Variants in VPS54 observed in about 807,000 individuals in gnomAD.
VPS54 encodes the protein VPS54 subunit of GARP complex, also known as vacuolar protein sorting-associated protein 54.
A neutral mutation model predicts 121.5 loss-of-function variants in VPS54; 45 were observed. The ratio of observed to expected loss-of-function variants is 0.37; its 90% confidence interval spans 0.29 to 0.47. VPS54 has a LOEUF of 0.47. Ranked by LOEUF, VPS54 falls within the 20% of genes least tolerant of loss-of-function variation. The pLI, the probability that VPS54 is intolerant of heterozygous loss-of-function variation, is 0.99. For missense variants in VPS54, 1,090 were observed against 1,131.4 expected, an observed-to-expected ratio of 0.96 and a Z score of 0.52; for synonymous variants, 371 against 385.8, an observed-to-expected ratio of 0.96 and a Z score of 0.45.
At chr2:63,967,755 A>G (rs929507666) in intron 5 of VPS54, among the ~76,000 whole-genome samples, 4 of 147,442 alleles carry the variant, frequency 2.7e-5, no homozygotes, top group Non-Finnish European at 6.0e-5. Flanking sequence ...GAGAAGAGGG[A>G]CAAATCCTTA....
At chr2:63,984,710 T>A (rs1438165166) in intron 1 of VPS54, among the ~76,000 whole-genome samples, 1 of 152,180 alleles carries the variant, frequency 6.6e-6, no homozygotes, top group Non-Finnish European at 1.5e-5. Flanking sequence ...AAAACAAATA[T>A]ATGTAAGCAA....
At chr2:63,937,932 T>C (rs959503665) in intron 11 of VPS54, among the ~76,000 whole-genome samples, 3 of 152,140 alleles carry the variant, frequency 2.0e-5, no homozygotes, top group Admixed American at 1.3e-4. Context: ...ATTCCACTTA[T>C]ATGAAATACC....
At chr2:63,961,369 A>G (rs1675760564) in intron 7 of VPS54, among the ~76,000 whole-genome samples, 2 of 152,220 alleles carry the variant, frequency 1.3e-5, no homozygotes. Context: ...TCCATAATGG[A>G]TTAAGTTACA....
At chr2:63,898,071 C>A (rs973416380) in intron 21 of VPS54, among the ~76,000 whole-genome samples, 4 of 152,110 alleles carry the variant, frequency 2.6e-5, no homozygotes, top group African/African-American at 9.7e-5. Context: ...TGTGAAATAA[C>A]ATTTTCTGTG....
chr2:64,001,508 G>C (rs1677879481), intron 1 of VPS54, among the ~76,000 whole-genome samples: 1 of 152,160 alleles, frequency 6.6e-6, no homozygotes, highest in Non-Finnish European at 1.5e-5. Flanking sequence ...CTGAGTCTCA[G>C]CCAAGGCCCA....
At position 63,933,686 on chromosome 2, in the gene VPS54, C is replaced by T; in HGVS notation, c.1726G>A (p.Gly576Ser). 6 of 1,612,164 alleles carry T rather than the reference C, an allele frequency of 3.7e-6. No homozygotes were observed. Among genetic ancestry groups the T allele is most frequent in the Non-Finnish European group, 5.1e-6 (6 of 1,179,372 alleles). Residue 576 changes from glycine to serine, a missense_variant, in exon 12 of 23, where the codon GGT becomes AGT. Physicochemically the swap from Gly to Ser is moderately conservative, Grantham distance 56. This residue lies in a region of VPS54 where 801 missense variants were observed against 757.0 expected (regional missense o/e 1.06). Transcript: ENST00000272322. Reference protein sequence around the residue: ...EHTSSSAIPGGVDIMVSEDMK... With the variant: ...EHTSSSAIPGSVDIMVSEDMK... ...CACTATACTCACATAATATCCACAC[C>T]TCCTGGAATAGCAGATGATGATGTG...
rs1195778227 is a variant in VPS54 at position 63,932,977 on chromosome 2, T to A, written c.1739+696A>T. ...GGTATCCAGGGATAATAGTGCATCATGTCTGTAACCTACTGTCAAAGGATT... is the reference window on the plus strand; with the variant it reads ...GGTATCCAGGGATAATAGTGCATCAAGTCTGTAACCTACTGTCAAAGGATT... On this transcript the variant is annotated intron_variant, in intron 12 of 22. Coordinates refer to ENST00000272322, the MANE Select transcript of VPS54 (RefSeq NM_016516.3). 2.6e-5 allele frequency among the ~76,000 whole-genome samples: 4 copies of A among 152,230 alleles called. No individual in the cohort carries two copies. The East Asian group carries it at 7.7e-4, about 29-fold the overall frequency.
chr2:63,916,443 C>G (rs1170673258), intron 16 of VPS54, among the ~76,000 whole-genome samples: 1 of 152,114 alleles, frequency 6.6e-6, no homozygotes, highest in Non-Finnish European at 1.5e-5. Context: ...TAGACCTGTG[C>G]TAAATGCTTT....
At chr2:63,971,138 C>A (rs1284755498) in intron 4 of VPS54, among the ~76,000 whole-genome samples, 2 of 152,174 alleles carry the variant, frequency 1.3e-5, no homozygotes, top group Non-Finnish European at 2.9e-5. Context: ...TTACCAATAA[C>A]TGGCCACCAA....
At chr2:63,959,697 G>A (rs1675664345) in intron 7 of VPS54, among the ~76,000 whole-genome samples, 1 of 152,040 alleles carries the variant, frequency 6.6e-6, no homozygotes, top group Admixed American at 6.6e-5. Flanking sequence ...GACCAGCCTG[G>A]GTAACACGGC....
chr2:63,979,061 T>C (rs964825742), intron 3 of VPS54, among the ~76,000 whole-genome samples: 1 of 152,218 alleles, frequency 6.6e-6, no homozygotes, highest in African/African-American at 2.4e-5. Flanking sequence ...GTAGAATCTG[T>C]AGTGATATCA....
In VPS54 at chr2:63,946,370, A is replaced by G. The variant is rs566472357; in HGVS notation, c.1245+1013T>C. Among the ~76,000 whole-genome samples the G allele has an allele frequency of 3.3e-5, 5 of 152,232 alleles. No individual in the cohort carries two copies. In the East Asian group the frequency reaches 9.6e-4, roughly 29 times the overall value. On this transcript the variant is annotated intron_variant, in intron 9 of 22. Transcript: ENST00000272322. ...TCTTCTGCTGTGTTTTGGTGAACTT[A>G]TATACATATTTCTGTTGGGTGCATA...
intron 22 of VPS54, among the ~76,000 whole-genome samples, chr2:63,894,510 TG>T (rs1251673961): frequency 6.6e-6 from 1 of 152,092 alleles, no homozygotes; most frequent in African/African-American, 2.4e-5. Flanking sequence ...AAGACCAGCC[TG>T]GGCAACATAG....
At chr2:63,968,912 G>T in intron 5 of VPS54, 45 bp downstream of exon 5, 21 of 1,468,036 alleles carry the variant, frequency 1.4e-5, no homozygotes, top group Non-Finnish European at 1.8e-5. Context: ...CAAAATTAAA[G>T]ATCAAATATT....
chr2:63,980,165 G>A (rs987555550), intron 3 of VPS54, among the ~76,000 whole-genome samples: 4 of 152,076 alleles, frequency 2.6e-5, no homozygotes, highest in African/African-American at 4.8e-5. Context: ...AAACTGTAAT[G>A]TCTTCTTGGT....
intron 3 of VPS54, among the ~76,000 whole-genome samples, chr2:63,974,506 G>A (rs1011840090): frequency 6.6e-6 from 1 of 152,126 alleles, no homozygotes; most frequent in Non-Finnish European, 1.5e-5. Context: ...TCAGGATTAT[G>A]TTGACTCTAT....
At chr2:63,899,603 A>G in intron 20 of VPS54, 22 bp from the exon 21 acceptor site, 1 of 1,585,898 alleles carries the variant, frequency 6.3e-7, no homozygotes, top group Non-Finnish European at 8.6e-7. Context: ...AAATAATGAG[A>G]ATTATGTTCA....
Position 63,892,312 on chromosome 2 carries a change from CA to C in VPS54, c.*1117del, listed in dbSNP as rs1269204911. On this transcript the variant is annotated 3_prime_UTR_variant, in exon 23 of 23. Transcript: ENST00000272322. The stretch of plus-strand genomic sequence containing the variant: ...CACCACAGGATATTAGGCACTCTGA[CA>C]GGGTTAGGCAAGATTCTTGGTGTGA... 1 of 152,104 alleles carries C rather than the reference CA, an allele frequency of 6.6e-6. No individual in the cohort carries two copies. Among genetic ancestry groups the C allele is most frequent in the African/African-American group, 2.4e-5 (1 of 41,424 alleles). 9.4% of individuals were successfully genotyped at this position (152,104 alleles called of 1,614,324 possible). A position where few individuals can be genotyped will look rare whatever the true frequency, so the allele number is the denominator to read the frequency against.
In VPS54 at chr2:63,981,758, A is replaced by T. The variant is rs1676811115; in HGVS notation, c.266T>A (p.Phe89Tyr). The T allele has an allele frequency of 1.2e-6, 2 of 1,613,758 alleles. No homozygotes were observed. Among genetic ancestry groups the T allele is most frequent in the East Asian group, 4.5e-5 (2 of 44,798 alleles). The change falls in exon 3 of 23, where the codon TTC (phenylalanine) becomes TAC (tyrosine). Residue 89 changes from phenylalanine to tyrosine, a missense_variant. By Grantham distance (22) the Phe-to-Tyr change is conservative. Around this residue, in one of 2 missense-constraint regions of VPS54, gnomAD observed 801 missense variants for 757.0 expected, o/e 1.06. Coordinates refer to ENST00000272322, the MANE Select transcript of VPS54 (RefSeq NM_016516.3). The part of the protein sequence containing the change: ...DPRLAKRESD[F>Y]FTKTWGLDFV... ...GTCCAATCCCCATGTTTTTGTGAAG[A>T]AGTCAGATTCTCTTTTTGCTAATCT...
Sources: gnomAD v4.1 joint callset for allele counts (sites outside exome capture counted in the v4.1 genomes callset) on GRCh38, gnomAD v4.1.1 for gene constraint, gnomAD v4.1.1 regional missense constraint, MANE v1.5 for transcripts, NCBI Gene and HGNC (gene_info 2026-07-23, HGNC 2026-07-21) for gene names.